DENND1B: variants seen among roughly 807,000 people sequenced by gnomAD.
The protein encoded by DENND1B is DENN domain containing 1B, also known as DENN domain-containing protein 1B.
A neutral mutation model predicts 90.1 loss-of-function variants in DENND1B; 59 were observed. The observed-to-expected ratio is 0.65, with a 90% confidence interval of 0.53 to 0.81. The LOEUF is 0.81. Ranked by LOEUF, DENND1B falls within the 40% of genes least tolerant of loss-of-function variation. The pLI is 0.00. For synonymous variants in DENND1B, 337 were observed against 324.6 expected (o/e 1.04, Z -0.41); for missense variants, 862 against 912.6 (o/e 0.94, Z 0.71).
At chr1:197,659,148 C>A (rs948066517) in intron 5 of DENND1B, among the ~76,000 whole-genome samples, 9 of 151,272 alleles carry the variant, frequency 5.9e-5, no homozygotes, top group Non-Finnish European at 1.3e-4. Context: ...ATACTCAAGA[C>A]TTTTCTTCAA....
At chr1:197,762,496 G>C (rs1655206203) in intron 2 of DENND1B, among the ~76,000 whole-genome samples, 1 of 152,144 alleles carries the variant, frequency 6.6e-6, no homozygotes. Flanking sequence ...ATAGTAAAAT[G>C]GTTGCTATAG....
At chr1:197,620,437 C>T (rs751275413) in intron 10 of DENND1B, among the ~76,000 whole-genome samples, 1 of 151,246 alleles carries the variant, frequency 6.6e-6, no homozygotes, top group African/African-American at 2.4e-5. Flanking sequence ...AATAAGAACT[C>T]TATGCTAGAT....
chr1:197,577,375 C>A (rs1053536357), intron 15 of DENND1B, among the ~76,000 whole-genome samples: 1 of 152,138 alleles, frequency 6.6e-6, no homozygotes, highest in Non-Finnish European at 1.5e-5. Flanking sequence ...TGAGCTCATA[C>A]AGCCACCCCC....
intron 11 of DENND1B, among the ~76,000 whole-genome samples, chr1:197,616,530 T>A (rs564498091): frequency 3.2e-4 from 49 of 151,196 alleles, no homozygotes; most frequent in African/African-American, 1.2e-3. Flanking sequence ...GCATTATCAA[T>A]ACTAATAATA....
chr1:197,517,863 G>A (rs903380789), intron 20 of DENND1B, among the ~76,000 whole-genome samples: 2 of 151,750 alleles, frequency 1.3e-5, no homozygotes, highest in African/African-American at 2.4e-5. Flanking sequence ...TGTCCTACAC[G>A]TGGGCTGACA....
chr1:197,513,260 T>A (rs1668163385), intron 20 of DENND1B, among the ~76,000 whole-genome samples: 1 of 151,508 alleles, frequency 6.6e-6, no homozygotes, highest in Non-Finnish European at 1.5e-5. Flanking sequence ...GATACTTGAC[T>A]TATACTCAAT....
intron 3 of DENND1B, among the ~76,000 whole-genome samples, chr1:197,676,971 G>C (rs546167527): frequency 6.6e-6 from 1 of 151,728 alleles, no homozygotes; most frequent in East Asian, 1.9e-4. Context: ...TTGATCAACT[G>C]AAAAGGAAAA....
chr1:197,762,788 G>A (rs1383070860), intron 2 of DENND1B, among the ~76,000 whole-genome samples: 1 of 151,936 alleles, frequency 6.6e-6, no homozygotes, highest in Non-Finnish European at 1.5e-5. Flanking sequence ...CTACATATAA[G>A]TGAGATCATG....
intron 5 of DENND1B, among the ~76,000 whole-genome samples, chr1:197,664,632 TAGTC>T (rs1382409203): frequency 3.3e-5 from 5 of 152,136 alleles, no homozygotes; most frequent in African/African-American, 4.8e-5. Flanking sequence ...TTTTGTCAAA[TAGTC>T]AGGTAACCAC....
intron 3 of DENND1B, among the ~76,000 whole-genome samples, chr1:197,692,004 C>CATGAATA: frequency 6.6e-6 from 1 of 151,702 alleles, no homozygotes; most frequent in Non-Finnish European, 1.5e-5. Flanking sequence ...GTACAAAGTT[C>CATGAATA]AGTTATATAA....
At chr1:197,734,596 A>G in intron 2 of DENND1B, 1 of 982,630 alleles carries the variant, frequency 1.0e-6, no homozygotes, top group East Asian at 1.1e-4. Flanking sequence ...AATTGACTGC[A>G]ATACATTACA....
In DENND1B at chr1:197,523,844, A is replaced by G. The variant is rs931635866; in HGVS notation, c.1516-10891T>C. On this transcript the variant is annotated intron_variant, in intron 20 of 22. Coordinates refer to ENST00000620048, the MANE Select transcript of DENND1B (RefSeq NM_001195215.2). ...AAATGCTGTTTAACTCTTTCTATACATGGGGTCCATTGTTCAATTAAGAAT... is the reference window on the plus strand; with the variant it reads ...AAATGCTGTTTAACTCTTTCTATACGTGGGGTCCATTGTTCAATTAAGAAT... Among the ~76,000 whole-genome samples the G allele has an allele frequency of 3.9e-5, 6 of 152,122 alleles. 1 individual carries two copies. Among genetic ancestry groups the G allele is most frequent in the African/African-American group, 1.4e-4 (6 of 41,404 alleles).
chr1:197,629,099 C>A (rs1332833518), intron 10 of DENND1B, among the ~76,000 whole-genome samples: 1 of 152,108 alleles, frequency 6.6e-6, no homozygotes, highest in Non-Finnish European at 1.5e-5. Context: ...CTAGTTCGAC[C>A]ATTGTGGAAG....
At chr1:197,735,629 T>G in intron 2 of DENND1B, 1 of 1,614,192 alleles carries the variant, frequency 6.2e-7, no homozygotes, top group Non-Finnish European at 8.5e-7. Flanking sequence ...CCCGTGGAGC[T>G]GCCGCCATGA....
At chr1:197,747,110 CT>C in intron 2 of DENND1B, 1 of 772,266 alleles carries the variant, frequency 1.3e-6, no homozygotes, top group Non-Finnish European at 2.3e-6. Flanking sequence ...CTGTGAGATT[CT>C]TTTTCATTCC....
chr1:197,521,459 A>C (rs1252723717), intron 20 of DENND1B, among the ~76,000 whole-genome samples: 1 of 151,914 alleles, frequency 6.6e-6, no homozygotes, highest in Non-Finnish European at 1.5e-5. Flanking sequence ...TAGACATAAG[A>C]AAATTAAGAT....
intron 6 of DENND1B, among the ~76,000 whole-genome samples, chr1:197,657,068 G>T (rs969346214): frequency 1.3e-5 from 2 of 151,900 alleles, no homozygotes; most frequent in African/African-American, 2.4e-5. Flanking sequence ...AGATAAATTG[G>T]ACTTCATTAA....
intron 14 of DENND1B, among the ~76,000 whole-genome samples, chr1:197,585,447 G>A (rs1674613781): frequency 6.6e-6 from 1 of 152,160 alleles, no homozygotes; most frequent in African/African-American, 2.4e-5. Context: ...AAATGGATGA[G>A]AGACTAAAGT....
At chr1:197,659,904 C>CCT (rs1214335702) in intron 5 of DENND1B, among the ~76,000 whole-genome samples, 3 of 151,708 alleles carry the variant, frequency 2.0e-5, no homozygotes, top group Non-Finnish European at 4.4e-5. Context: ...TAGCCAACCA[C>CCT]CAGATATTTG....
Sources: gnomAD v4.1 joint callset for allele counts (sites outside exome capture counted in the v4.1 genomes callset) on GRCh38, gnomAD v4.1.1 for gene constraint, MANE v1.5 for transcripts, NCBI Gene and HGNC (gene_info 2026-07-23, HGNC 2026-07-21) for gene names.